The following AKT1 variants were observed in gnomAD, a reference collection of about 807,000 sequenced individuals.
AKT1 encodes AKT serine/threonine kinase 1, also known as RAC-alpha serine/threonine-protein kinase.
Under a neutral mutation model 63.1 loss-of-function variants are expected in AKT1, and 21 were observed. The ratio of observed to expected loss-of-function variants is 0.33; its 90% CI spans 0.24 to 0.48. AKT1 has a LOEUF of 0.48. AKT1 is among the 20% of genes least tolerant of loss of function. AKT1 has a pLI of 0.99. For synonymous variants in AKT1, 257 were observed against 253.1 expected (o/e 1.02, Z -0.15); for missense variants, 382 against 666.0 (o/e 0.57, Z 4.69).
rs1016230991 is a variant in AKT1 at position 104,776,426 on chromosome 14, C to G, written c.287+233G>C. On this transcript the variant is annotated intron_variant, in intron 5 of 14. Coordinates refer to ENST00000649815, the MANE Select transcript of AKT1 (RefSeq NM_001382430.1). ...CCTCCCAAAGTGCCGAGATTATAGA[C>G]GTGAGCCACTGCACCCGGTCCCTAG... 6.2e-6 allele frequency: 3 copies of G among 481,282 alleles called. No individual in the cohort carries two copies. In the East Asian group the frequency reaches 1.1e-4, roughly 17 times the overall value. 29.8% of individuals were successfully genotyped at this position (481,282 alleles called of 1,614,324 possible).
chr14:104,788,514 G>A (rs1047821932), intron 3 of AKT1, among the ~76,000 whole-genome samples: 10 of 152,214 alleles, frequency 6.6e-5, no homozygotes, highest in African/African-American at 9.7e-5. Context: ...AGGATGAAGG[G>A]GAGTGGCCTG....
intron 4 of AKT1, 135 bp from the exon 5 acceptor site, chr14:104,776,905 C>T (rs1292374540): frequency 4.5e-6 from 3 of 665,134 alleles, no homozygotes; most frequent in East Asian, 5.6e-5. Flanking sequence ...CTCTTCCTCT[C>T]TCCAAGCCTC....
At chr14:104,782,945 G>GCTTAACAGCTTA (rs1474973574) in intron 3 of AKT1, among the ~76,000 whole-genome samples, 1 of 152,168 alleles carries the variant, frequency 6.6e-6, no homozygotes, top group Non-Finnish European at 1.5e-5. Flanking sequence ...GTTCAGCCCA[G>GCTTAACAGCTTA]ACAGGATGCT....
chr14:104,793,095 C>T (rs2141009419), intron 2 of AKT1, 32 bp downstream of exon 2: 1 of 252,714 alleles, frequency 4.0e-6, no homozygotes, highest in African/African-American at 2.2e-5. Flanking sequence ...AAATCACCCC[C>T]ATCCCCAAAA....
At chr14:104,785,903 C>T (rs1428007938) in intron 3 of AKT1, among the ~76,000 whole-genome samples, 3 of 152,080 alleles carry the variant, frequency 2.0e-5, no homozygotes, top group Non-Finnish European at 4.4e-5. Flanking sequence ...CTCAGCTTTC[C>T]ATTCTCCTGG....
rs182392364 is a variant in AKT1 at position 104,775,477 on chromosome 14, A to G, written c.435+175T>C. 5.5e-6 allele frequency: 6 copies of G among 1,092,158 alleles called. No individual in the cohort carries two copies. The Admixed American group carries it at 1.4e-4, about 26-fold the overall frequency. The allele number at this position is 1,092,158 out of a possible 1,614,324, so 67.7% of individuals were successfully genotyped here. ...TCAGCAACCCCAGTTTTCCTCTGAC[A>G]TGGGGAAGAGGACCCACCTGGGAAG... On this transcript the variant is annotated intron_variant, in intron 6 of 14. Transcript: ENST00000649815.
At chr14:104,787,899 T>G (rs1893419605) in intron 3 of AKT1, among the ~76,000 whole-genome samples, 2 of 152,214 alleles carry the variant, frequency 1.3e-5, no homozygotes, top group Admixed American at 1.3e-4. Flanking sequence ...CCTCTTTTGT[T>G]GTTTTTGAAG....
intron 3 of AKT1, among the ~76,000 whole-genome samples, chr14:104,782,512 T>C (rs1057105951): frequency 7.2e-5 from 11 of 152,092 alleles, no homozygotes; most frequent in African/African-American, 2.7e-4. Context: ...TTCTGGGAGC[T>C]GGATCTGGGG....
intron 3 of AKT1, among the ~76,000 whole-genome samples, chr14:104,787,937 G>A (rs1207309276): frequency 6.6e-6 from 1 of 152,196 alleles, no homozygotes; most frequent in Non-Finnish European, 1.5e-5. Context: ...CCCAAAACAG[G>A]AACCTCCCTG....
chr14:104,775,388 G>A (rs987176103), intron 6 of AKT1, 181 bp from the exon 7 acceptor site: 16 of 1,231,040 alleles, frequency 1.3e-5, no homozygotes, highest in African/African-American at 7.6e-5. Context: ...ACATGGCTGC[G>A]GCCCCAGCTC....
rs753765116 is a variant in AKT1, at chr14:104,780,142, G to A, written c.121C>T (p.Arg41Trp). 4 of 1,613,622 alleles carry A rather than the reference G, an allele frequency of 2.5e-6. No individual in the cohort carries two copies. Among genetic ancestry groups the A allele is most frequent in the Non-Finnish European group, 3.4e-6 (4 of 1,179,942 alleles). The change falls in exon 4 of 15, where the codon CGG becomes TGG. Residue 41 changes from arginine to tryptophan, a missense_variant. Arg to Trp is a moderately radical substitution (Grantham distance 101, BLOSUM62 -3). Around this residue, in one of 3 missense-constraint regions of AKT1, gnomAD observed 226 missense variants for 366.4 expected, o/e 0.62. Coordinates refer to ENST00000649815, the MANE Select transcript of AKT1 (RefSeq NM_001382430.1). The stretch of plus-strand genomic sequence containing the variant: ...TCACGTTGGTCCACATCCTGCGGCC[G>A]CTCCTTGTAGCCAATGAAGGTGCCA... ...NDGTFIGYKE[R>W]PQDVDQREAP... is the part of the protein sequence containing the mutation.
At chr14:104,787,554 G>A (rs1441738393) in intron 3 of AKT1, among the ~76,000 whole-genome samples, 1 of 152,248 alleles carries the variant, frequency 6.6e-6, no homozygotes, top group Non-Finnish European at 1.5e-5. Flanking sequence ...CGCCAGCGGG[G>A]GCCGCGCCAG....
intron 5 of AKT1, 126 bp downstream of exon 5, chr14:104,776,533 A>G (rs1892724334): frequency 1.3e-6 from 1 of 749,138 alleles, no homozygotes; most frequent in Non-Finnish European, 2.1e-6. Flanking sequence ...GGCTCTGAGG[A>G]GGGCCTGGGA....
chr14:104,775,238 C>T (rs1165628361), intron 6 of AKT1, 31 bp from the exon 7 acceptor site: 13 of 1,611,350 alleles, frequency 8.1e-6, no homozygotes, highest in African/African-American at 2.7e-5. Context: ...CAGCAAGCGG[C>T]GCTGCCAACA....
chr14:104,774,206 C>T, intron 8 of AKT1: 1 of 565,670 alleles, frequency 1.8e-6, no homozygotes, highest in East Asian at 3.0e-5. Flanking sequence ...ACCCCCACAT[C>T]ACACTGCCCC....
Position 104,770,086 on chromosome 14 carries a change from TTC to T in AKT1, c.*253_*254del. The T allele has an allele frequency of 1.7e-6, 1 of 572,474 alleles. No homozygotes were observed. The highest frequency in any genetic ancestry group is 3.1e-6 in the Non-Finnish European group (1 of 318,590). The allele number at this position is 572,474 out of a possible 1,614,324, so 35.5% of individuals were successfully genotyped here. On this transcript the variant is annotated 3_prime_UTR_variant, in exon 15 of 15. Coordinates refer to ENST00000649815, the MANE Select transcript of AKT1 (RefSeq NM_001382430.1). ...ACATTTCCCTACGTGAATCGGATTG[TTC>T]TGAGGGCTGAGGCCACACCCGGAGA...
intron 8 of AKT1, 43 bp downstream of exon 8, chr14:104,774,895 T>C: frequency 6.3e-7 from 1 of 1,586,740 alleles, no homozygotes; most frequent in Non-Finnish European, 8.6e-7. Context: ...CAGGAGTCGC[T>C]ACCTGGCCCC....
chr14:104,770,287 C>G lies in AKT1; in HGVS notation c.*54G>C, dbSNP rs1029593907. 8.4e-6 allele frequency: 13 copies of G among 1,542,970 alleles called. No homozygotes were observed. Among genetic ancestry groups the G allele is most frequent in the East Asian group, 2.3e-5 (1 of 43,400 alleles). ...AAACCATTAAATACAGATCATGGCACGAGGCCGCCTCTCCATCCCTCCAAG... is the reference window on the plus strand; with the variant it reads ...AAACCATTAAATACAGATCATGGCAGGAGGCCGCCTCTCCATCCCTCCAAG... On this transcript the variant is annotated 3_prime_UTR_variant, in exon 15 of 15. Transcript: ENST00000649815.
intron 14 of AKT1, 130 bp from the exon 15 acceptor site, chr14:104,770,550 A>G: frequency 9.7e-7 from 1 of 1,031,636 alleles, no homozygotes; most frequent in Non-Finnish European, 1.4e-6. Context: ...AAACTGAGAC[A>G]GGGCCCCACA....
Sources: allele counts gnomAD v4.1 joint callset (sites outside exome capture counted in the v4.1 genomes callset), GRCh38; gene constraint gnomAD v4.1.1; regional missense constraint gnomAD v4.1.1; transcripts MANE v1.5; gene names NCBI Gene and HGNC (gene_info 2026-07-23, HGNC 2026-07-21).